PPP2R3A: variants seen among roughly 807,000 people sequenced by gnomAD.
The protein encoded by PPP2R3A is serine/threonine-protein phosphatase 2A regulatory subunit B'' subunit alpha.
PPP2R3A carries 80 observed loss-of-function variants against 106.9 expected under a neutral mutation model. The observed-to-expected ratio is 0.75, with a 90% CI of 0.62 to 0.90. The LOEUF (loss-of-function observed/expected upper bound fraction) is 0.90. Among genes scored for constraint, PPP2R3A ranks in the 40% least tolerant of loss-of-function variants. The pLI is 0.00. For missense variants in PPP2R3A, 1,386 were observed against 1,350.4 expected (o/e 1.03, Z -0.41); for synonymous variants, 483 against 468.3 (o/e 1.03, Z -0.41).
chr3:136,105,012 G>A (rs1298618413), intron 12 of PPP2R3A, among the ~76,000 whole-genome samples: 1 of 152,246 alleles, frequency 6.6e-6, no homozygotes, highest in Non-Finnish European at 1.5e-5. Flanking sequence ...ATTAGTCAGT[G>A]CTTAATAAAT....
intron 5 of PPP2R3A, among the ~76,000 whole-genome samples, chr3:136,051,557 T>C (rs1452318660): frequency 1.3e-5 from 2 of 152,200 alleles, no homozygotes; most frequent in Admixed American, 1.3e-4. Context: ...CTCGAACTCC[T>C]GACCTCCGGT....
intron 2 of PPP2R3A, among the ~76,000 whole-genome samples, chr3:136,018,347 A>G (rs1934349580): frequency 6.6e-6 from 1 of 152,344 alleles, no homozygotes; most frequent in Middle Eastern, 3.4e-3. Context: ...ACACAAATCA[A>G]AATAAGAGAC....
At chr3:136,144,084 C>T (rs1938999280) in intron 13 of PPP2R3A, among the ~76,000 whole-genome samples, 1 of 152,212 alleles carries the variant, frequency 6.6e-6, no homozygotes, top group African/African-American at 2.4e-5. Context: ...CAGGCAGCCA[C>T]ATCATTTCCA....
intron 1 of PPP2R3A, among the ~76,000 whole-genome samples, chr3:135,998,330 CCT>C (rs1933487601): frequency 6.6e-6 from 1 of 152,174 alleles, no homozygotes; most frequent in Admixed American, 6.5e-5. Context: ...TCAGATGCTC[CCT>C]CTCAAAACAG....
At position 136,145,128 on chromosome 3, in the gene PPP2R3A, G is replaced by C. The variant is rs1422469197; in HGVS notation, c.3415G>C (p.Glu1139Gln). ...SNKILSASLPEKCGKLQSVDE... is the reference protein window; with the variant it reads ...SNKILSASLPQKCGKLQSVDE... Reference sequence around the variant, plus strand: ...TAAAATATTAAGTGCAAGCCTTCCAGAGAAATGTGGAAAGCTTCAATCAGT... The same window carrying C: ...TAAAATATTAAGTGCAAGCCTTCCACAGAAATGTGGAAAGCTTCAATCAGT... Residue 1139 changes from glutamate to glutamine, a missense_variant, in exon 14 of 14, where the codon GAG (glutamate) becomes CAG (glutamine). Coordinates refer to ENST00000264977, the MANE Select transcript of PPP2R3A (RefSeq NM_002718.5). 6.2e-7 allele frequency: 1 copy of C among 1,613,488 alleles called. No individual in the cohort carries two copies. The highest frequency in any genetic ancestry group is 8.5e-7 in the Non-Finnish European group (1 of 1,179,766).
intron 3 of PPP2R3A, among the ~76,000 whole-genome samples, chr3:136,034,087 G>A (rs1453167663): frequency 6.7e-6 from 1 of 149,426 alleles, no homozygotes; most frequent in Non-Finnish European, 1.5e-5. Context: ...CCAGGCCGGA[G>A]TGCAGTGGCG....
chr3:136,128,973 G>A (rs1938294067), intron 13 of PPP2R3A, among the ~76,000 whole-genome samples: 1 of 152,106 alleles, frequency 6.6e-6, no homozygotes, highest in Non-Finnish European at 1.5e-5. Flanking sequence ...AAACCAATGA[G>A]AACAAAGGCA....
intron 10 of PPP2R3A, among the ~76,000 whole-genome samples, chr3:136,094,766 C>T (rs1406282895): frequency 6.6e-6 from 1 of 152,034 alleles, no homozygotes; most frequent in Non-Finnish European, 1.5e-5. Flanking sequence ...ATCTCCCAGC[C>T]CTGATAATTT....
At chr3:135,989,175 A>T (rs1374005364) in intron 1 of PPP2R3A, among the ~76,000 whole-genome samples, 1 of 152,184 alleles carries the variant, frequency 6.6e-6, no homozygotes, top group African/African-American at 2.4e-5. Context: ...GCAGCTTCCA[A>T]GGGAACTTTG....
At chr3:136,122,899 C>CA (rs1248459976) in intron 13 of PPP2R3A, among the ~76,000 whole-genome samples, 2 of 151,986 alleles carry the variant, frequency 1.3e-5, no homozygotes, top group Non-Finnish European at 2.9e-5. Flanking sequence ...TTAAAGGAGA[C>CA]AAAATTATAA....
intron 2 of PPP2R3A, chr3:136,023,049 G>A (rs775047749): frequency 1.2e-6 from 2 of 1,612,368 alleles, no homozygotes; most frequent in Admixed American, 3.3e-5. Context: ...CAGTTGCGAA[G>A]TAAACATTTA....
intron 1 of PPP2R3A, among the ~76,000 whole-genome samples, chr3:135,966,097 C>G (rs1408657686): frequency 1.3e-5 from 2 of 152,034 alleles, no homozygotes; most frequent in South Asian, 2.1e-4. Flanking sequence ...GACACGGCAC[C>G]AGGGAGGTGT....
chr3:136,010,457 C>T (rs1180915656), intron 2 of PPP2R3A, among the ~76,000 whole-genome samples: 10 of 118,968 alleles, frequency 8.4e-5, no homozygotes, highest in South Asian at 2.9e-4. Context: ...GACGGAGTCT[C>T]GCTCTGTCGC....
intron 6 of PPP2R3A, among the ~76,000 whole-genome samples, chr3:136,077,394 G>A (rs939032199): frequency 3.3e-5 from 5 of 152,036 alleles, no homozygotes; most frequent in Middle Eastern, 3.4e-3. Context: ...TGTTCTTCTC[G>A]CACCAAAATA....
At chr3:136,088,628 G>A (rs1436990653) in intron 9 of PPP2R3A, among the ~76,000 whole-genome samples, 1 of 152,116 alleles carries the variant, frequency 6.6e-6, no homozygotes, top group African/African-American at 2.4e-5. Context: ...GGGATTGCTG[G>A]GTCGAATGGT....
intron 2 of PPP2R3A, among the ~76,000 whole-genome samples, chr3:136,017,958 C>T (rs1327380026): frequency 6.6e-6 from 1 of 152,240 alleles, no homozygotes; most frequent in Admixed American, 6.5e-5. Context: ...AATGGATTTA[C>T]ATGTTTATAT....
At chr3:136,011,989 A>G (rs1559868096) in intron 2 of PPP2R3A, among the ~76,000 whole-genome samples, 1 of 131,150 alleles carries the variant, frequency 7.6e-6, no homozygotes, top group Non-Finnish European at 1.5e-5. Flanking sequence ...ACACACACAC[A>G]CACATACACA....
intron 13 of PPP2R3A, among the ~76,000 whole-genome samples, chr3:136,126,052 G>T (rs1323425010): frequency 6.6e-6 from 1 of 152,208 alleles, no homozygotes; most frequent in Admixed American, 6.5e-5. Context: ...AACAGCTCTG[G>T]TCTGCAGCTC....
At position 136,082,955 on chromosome 3, in the gene PPP2R3A, A is replaced by G. The variant is rs543799152; in HGVS notation, c.2788+534A>G. Among the ~76,000 whole-genome samples, 4 of 152,336 alleles carry G rather than the reference A, an allele frequency of 2.6e-5. No homozygotes were observed. In the East Asian group the frequency reaches 7.7e-4, roughly 29 times the overall value. On this transcript the variant is annotated intron_variant, in intron 8 of 13. Coordinates refer to ENST00000264977, the MANE Select transcript of PPP2R3A (RefSeq NM_002718.5). ...AACAAAAAATTACATATCACATGAT[A>G]ATACCCTTTTTACTTCATTTTTGCC...
Sources: allele counts gnomAD v4.1 joint callset (sites outside exome capture counted in the v4.1 genomes callset), GRCh38; gene constraint gnomAD v4.1.1; transcripts MANE v1.5; gene names NCBI Gene and HGNC (gene_info 2026-07-23, HGNC 2026-07-21).